VCL: variants seen among roughly 807,000 people sequenced by gnomAD.
VCL encodes the protein vinculin, also known as epididymis luminal protein 114.
A neutral mutation model predicts 125.7 loss-of-function variants in VCL; 47 were observed. That is an observed-to-expected ratio of 0.37 (90% CI 0.30 to 0.48). The LOEUF is 0.48. Among genes scored for constraint, VCL ranks in the 20% least tolerant of loss-of-function variants. VCL has a pLI of 0.99. For synonymous variants in VCL, 458 were observed against 514.6 expected, an observed-to-expected ratio of 0.89 and a Z score of 1.49; for missense variants, 1,069 against 1,455.5, an observed-to-expected ratio of 0.73 and a Z score of 4.32.
At chr10:74,017,332 C>T (rs1469506608) in intron 1 of VCL, among the ~76,000 whole-genome samples, 1 of 152,062 alleles carries the variant, frequency 6.6e-6, no homozygotes, top group Non-Finnish European at 1.5e-5. Flanking sequence ...CAGGCGTGAG[C>T]CACCGCGCCC....
rs1431312135 is a variant in VCL at position 74,018,122 on chromosome 10, G to A, written c.168+19747G>A. 6.6e-5 allele frequency among the ~76,000 whole-genome samples: 9 copies of A among 136,306 alleles called. 1 individual carries two copies. The highest frequency in any genetic ancestry group is 2.2e-4 in the African/African-American group (8 of 37,202). 89.4% of individuals were successfully genotyped at this position (136,306 alleles called of 152,430 possible). ...TGCCCTCTAGCCTGGGCAACAGAGC[G>A]AGACTCTGTCTCAAAAAGAAAAAAA... is the stretch of plus-strand genomic sequence containing the variant. On this transcript the variant is annotated intron_variant, in intron 1 of 21. Transcript: ENST00000211998.
chr10:74,089,204 G>T lies in VCL; in HGVS notation c.1031G>T (p.Gly344Val), dbSNP rs778875353. 1.2e-6 allele frequency: 2 copies of T among 1,614,060 alleles called. No homozygotes were observed. The highest frequency in any genetic ancestry group is 1.7e-6 in the Non-Finnish European group (2 of 1,179,996). ...QVADLRARGQGSSPVAMQKAQ... is the reference protein window; with the variant it reads ...QVADLRARGQVSSPVAMQKAQ... The stretch of plus-strand genomic sequence containing the variant: ...GTGTCTGTTTTGAGCAGAGGACAAG[G>T]ATCCTCACCGGTGGCCATGCAGAAA... Residue 344 changes from glycine (G) to valine (V), a missense_variant, in exon 9 of 22, where the codon GGA (glycine) becomes GTA (valine). This residue lies in a region of VCL where 760 missense variants were observed against 928.9 expected (regional missense o/e 0.82). Coordinates refer to ENST00000211998, the MANE Select transcript of VCL (RefSeq NM_014000.3).
intron 8 of VCL, among the ~76,000 whole-genome samples, chr10:74,085,513 C>A (rs972039649): frequency 3.3e-5 from 5 of 152,112 alleles, no homozygotes; most frequent in African/African-American, 1.2e-4. Flanking sequence ...TCCTTTTACC[C>A]TCCTAAAGCC....
intron 1 of VCL, among the ~76,000 whole-genome samples, chr10:74,018,761 A>G (rs1840607435): frequency 6.6e-6 from 1 of 152,208 alleles, no homozygotes; most frequent in African/African-American, 2.4e-5. Flanking sequence ...GTAAAGGTAT[A>G]CAGTGAAAAG....
At chr10:74,091,883 A>G (rs1839893640) in intron 10 of VCL, among the ~76,000 whole-genome samples, 1 of 148,878 alleles carries the variant, frequency 6.7e-6, no homozygotes, top group East Asian at 2.0e-4. Flanking sequence ...ATGGGCTATT[A>G]TTTTTATTTA....
chr10:74,089,128 C>T, intron 8 of VCL, 68 bp from the exon 9 acceptor site: 1 of 1,602,700 alleles, frequency 6.2e-7, no homozygotes, highest in Non-Finnish European at 8.5e-7. Context: ...ATGTACTGTG[C>T]TATTGGGAAT....
intron 1 of VCL, among the ~76,000 whole-genome samples, chr10:74,019,147 C>T (rs1047393709): frequency 4.6e-5 from 7 of 152,128 alleles, no homozygotes; most frequent in South Asian, 4.1e-4. Flanking sequence ...TGTCAGTTTA[C>T]GTATGTGCAA....
intron 2 of VCL, among the ~76,000 whole-genome samples, chr10:74,043,527 A>G (rs909662315): frequency 2.0e-5 from 3 of 151,940 alleles, no homozygotes; most frequent in Non-Finnish European, 4.4e-5. Flanking sequence ...TTGTATTTTT[A>G]GTAGAGATGG....
chr10:74,083,259 C>G, intron 7 of VCL, 107 bp from the exon 8 acceptor site: 1 of 1,471,196 alleles, frequency 6.8e-7, no homozygotes, highest in Non-Finnish European at 9.3e-7. Flanking sequence ...ATTCACTCGT[C>G]TTGTTTAAAA....
At chr10:73,999,860 A>G (rs552835779) in intron 1 of VCL, among the ~76,000 whole-genome samples, 1 of 152,246 alleles carries the variant, frequency 6.6e-6, no homozygotes, top group South Asian at 2.1e-4. Flanking sequence ...TCTTTTTATA[A>G]CTAATTTGAA....
chr10:74,092,667 C>T (rs1839907870), intron 10 of VCL, among the ~76,000 whole-genome samples: 1 of 152,192 alleles, frequency 6.6e-6, no homozygotes, highest in Admixed American at 6.5e-5. Flanking sequence ...CACTTTCCAG[C>T]TCCAGATACC....
rs1326082554 is a variant in VCL at position 74,090,218 on chromosome 10, A to C, written c.1352+20A>C. On this transcript the variant is annotated intron_variant, in intron 10 of 21. Coordinates refer to ENST00000211998, the MANE Select transcript of VCL (RefSeq NM_014000.3). ...AAGACAGTATGTATTTAACCCTTACATTGCCTTTTCATATCTTTTCTTCTC... is the reference window on the plus strand; with the variant it reads ...AAGACAGTATGTATTTAACCCTTACCTTGCCTTTTCATATCTTTTCTTCTC... 1 of 1,613,570 alleles carries C rather than the reference A, an allele frequency of 6.2e-7. No individual in the cohort carries two copies. The highest frequency in any genetic ancestry group is 8.5e-7 in the Non-Finnish European group (1 of 1,179,804).
At chr10:74,005,728 G>A (rs1320836844) in intron 1 of VCL, among the ~76,000 whole-genome samples, 1 of 152,058 alleles carries the variant, frequency 6.6e-6, no homozygotes, top group Admixed American at 6.6e-5. Flanking sequence ...ACATAAAGTG[G>A]CATGGTATTT....
intron 1 of VCL, among the ~76,000 whole-genome samples, chr10:74,008,278 T>G (rs929453686): frequency 6.6e-6 from 1 of 152,156 alleles, no homozygotes; most frequent in Non-Finnish European, 1.5e-5. Flanking sequence ...ACAAGTGAAA[T>G]ATATACTAAG....
At chr10:74,030,569 G>T (rs190444736) in intron 1 of VCL, among the ~76,000 whole-genome samples, 83 of 152,288 alleles carry the variant, frequency 5.5e-4, no homozygotes, top group African/African-American at 1.9e-3. Flanking sequence ...GTATAGAAAT[G>T]ATAAACTCAG....
At chr10:74,059,333 G>A (rs577333041) in intron 2 of VCL, among the ~76,000 whole-genome samples, 1 of 151,652 alleles carries the variant, frequency 6.6e-6, no homozygotes, top group East Asian at 1.9e-4. Context: ...TCCAGCCTGG[G>A]TGACAGAGCA....
rs1456753342 is a variant in VCL, at chr10:74,072,788, G to A, written c.558G>A (p.Glu186=). Residue 186 remains glutamate, a synonymous_variant, in exon 5 of 22, where the codon GAG becomes GAA. Transcript: ENST00000211998. ...GACAGCAGGAGCTCACTCACCAGGA[G>A]CACCGAGTGATGTTGGTGAACTCGA... ...DERQQELTHQ[E]HRVMLVNSMN... 7 of 1,613,996 alleles carry A rather than the reference G, an allele frequency of 4.3e-6. No homozygotes were observed. In the East Asian group the frequency reaches 8.9e-5, roughly 21 times the overall value.
chr10:74,021,278 T>C (rs756759983), intron 1 of VCL, among the ~76,000 whole-genome samples: 1 of 152,124 alleles, frequency 6.6e-6, no homozygotes, highest in Non-Finnish European at 1.5e-5. Context: ...TCGTGTCTGT[T>C]TCCACCCCTC....
At chr10:74,023,949 A>G (rs1490428032) in intron 1 of VCL, among the ~76,000 whole-genome samples, 1 of 152,168 alleles carries the variant, frequency 6.6e-6, no homozygotes, top group East Asian at 1.9e-4. Context: ...CCCAGCTCAT[A>G]TGTAGTCACA....
Sources: allele counts gnomAD v4.1 joint callset (sites outside exome capture counted in the v4.1 genomes callset), GRCh38; gene constraint gnomAD v4.1.1; regional missense constraint gnomAD v4.1.1; transcripts MANE v1.5; gene names NCBI Gene and HGNC (gene_info 2026-07-23, HGNC 2026-07-21).